Variants in SHISA9 observed in about 807,000 individuals in gnomAD.
SHISA9 encodes shisa family member 9, also known as protein shisa-9.
In SHISA9, 13 loss-of-function variants were observed where a neutral mutation model predicts 38.0. That is an observed-to-expected ratio of 0.34 (90% CI 0.22 to 0.54). The LOEUF (loss-of-function observed/expected upper bound fraction) is 0.54. Among genes scored for constraint, SHISA9 ranks in the 20% least tolerant of loss-of-function variants. The probability of loss-of-function intolerance (pLI) is 0.91; values close to 1 mark genes in which losing one functional copy is unlikely to be tolerated. For missense variants in SHISA9, 538 were observed against 575.8 expected (o/e 0.93, Z 0.67); for synonymous variants, 275 against 242.0 (o/e 1.14, Z -1.27).
At chr16:13,345,361 G>T in the SHISA9 span, among the ~76,000 whole-genome samples, 1 of 152,018 alleles carries the variant, frequency 6.6e-6, no homozygotes, top group African/African-American at 2.4e-5. Flanking sequence ...GTGGTATTTG[G>T]TTTTCTGTTC....
At chr16:13,442,070 C>T in the SHISA9 span, among the ~76,000 whole-genome samples, 1 of 152,206 alleles carries the variant, frequency 6.6e-6, no homozygotes, top group Non-Finnish European at 1.5e-5. Context: ...AAGAAGCAGC[C>T]AGTAGTTAGC....
At chr16:12,907,395 T>TC (rs906914417) in intron 1 of SHISA9, among the ~76,000 whole-genome samples, 6 of 147,804 alleles carry the variant, frequency 4.1e-5, no homozygotes, top group Admixed American at 4.1e-4. Flanking sequence ...CCTTCCCTCT[T>TC]CCCCTCCCTC....
chr16:13,097,135 T>G (rs80274033), intron 2 of SHISA9, among the ~76,000 whole-genome samples: 3,132 of 152,258 alleles, frequency 0.021, 52 homozygotes, highest in Admixed American at 0.047. Context: ...TGAGTAATAC[T>G]AAATGGGTGA....
At chr16:13,222,903 A>G (rs2051242677) in intron 4 of SHISA9, among the ~76,000 whole-genome samples, 1 of 152,168 alleles carries the variant, frequency 6.6e-6, no homozygotes, top group Admixed American at 6.5e-5. Context: ...CGACAGAAAT[A>G]GCAGTTACTA....
intron 2 of SHISA9, among the ~76,000 whole-genome samples, chr16:13,036,560 G>A (rs939257908): frequency 6.6e-6 from 1 of 151,974 alleles, no homozygotes; most frequent in Non-Finnish European, 1.5e-5. Context: ...TAGTTACATT[G>A]GTGTATAAAT....
the SHISA9 span, among the ~76,000 whole-genome samples, chr16:13,446,894 C>T: frequency 6.6e-6 from 1 of 151,560 alleles, no homozygotes; most frequent in Admixed American, 6.6e-5. Flanking sequence ...GAACGAGAAT[C>T]GCTTGAACCT....
chr16:13,176,940 TG>T (rs775981624), intron 2 of SHISA9, among the ~76,000 whole-genome samples: 17 of 152,148 alleles, frequency 1.1e-4, no homozygotes, highest in Non-Finnish European at 2.1e-4. Context: ...ACTCGGAGGC[TG>T]GGGAGGACAC....
the SHISA9 span, among the ~76,000 whole-genome samples, chr16:13,428,923 G>C: frequency 6.6e-6 from 1 of 151,872 alleles, no homozygotes; most frequent in East Asian, 1.9e-4. Context: ...ATGCCACCAG[G>C]CCTGACTAAT....
chr16:13,403,557 A>G, the SHISA9 span, among the ~76,000 whole-genome samples: 1 of 152,206 alleles, frequency 6.6e-6, no homozygotes. Flanking sequence ...TGGGTTTGAC[A>G]CCTTCAAAAC....
At chr16:13,418,791 C>T in the SHISA9 span, among the ~76,000 whole-genome samples, 1 of 152,190 alleles carries the variant, frequency 6.6e-6, no homozygotes, top group Non-Finnish European at 1.5e-5. Flanking sequence ...ACCTTGAGAA[C>T]ACAGAAGATA....
At chr16:13,284,957 A>G in the SHISA9 span, among the ~76,000 whole-genome samples, 1 of 152,040 alleles carries the variant, frequency 6.6e-6, no homozygotes, top group Non-Finnish European at 1.5e-5. Flanking sequence ...GATGTATGTT[A>G]CCTGTCTTAA....
At chr16:13,197,471 A>G (rs983602736) in intron 2 of SHISA9, 9 of 152,192 alleles carry the variant, frequency 5.9e-5, no homozygotes, top group Admixed American at 5.9e-4. Flanking sequence ...TTTAGTAACT[A>G]AGATATCCCA....
chr16:12,905,500 G>A (rs945942109), intron 1 of SHISA9, among the ~76,000 whole-genome samples: 8 of 152,108 alleles, frequency 5.3e-5, no homozygotes, highest in African/African-American at 1.9e-4. Flanking sequence ...GGAAACATTG[G>A]TCTTGGGTTT....
intron 2 of SHISA9, among the ~76,000 whole-genome samples, chr16:13,157,992 A>G (rs2050562274): frequency 6.6e-6 from 1 of 152,144 alleles, no homozygotes; most frequent in Non-Finnish European, 1.5e-5. Flanking sequence ...TTAGTCTGAA[A>G]CAAGTTTTTT....
At chr16:13,439,858 A>G in the SHISA9 span, among the ~76,000 whole-genome samples, 1 of 152,212 alleles carries the variant, frequency 6.6e-6, no homozygotes. Flanking sequence ...GTCAGCTCTC[A>G]AAAGCCCAGC....
chr16:13,133,292 A>T (rs1029893352), intron 2 of SHISA9, among the ~76,000 whole-genome samples: 6 of 152,306 alleles, frequency 3.9e-5, no homozygotes, highest in African/African-American at 1.4e-4. Context: ...CTCATGATGA[A>T]ATGTCCATAA....
intron 1 of SHISA9, chr16:12,908,467 C>G (rs1371038873): frequency 6.4e-7 from 1 of 1,552,082 alleles, no homozygotes; most frequent in South Asian, 1.2e-5. Flanking sequence ...ATACCCTTCC[C>G]CCATGAGGTA....
chr16:13,135,948 G>T (rs1382118315), intron 2 of SHISA9, among the ~76,000 whole-genome samples: 1 of 152,162 alleles, frequency 6.6e-6, no homozygotes, highest in Admixed American at 6.5e-5. Flanking sequence ...AAGCTGACAT[G>T]TCAGTCCCAG....
chr16:13,306,806 A>G, the SHISA9 span, among the ~76,000 whole-genome samples: 1 of 152,158 alleles, frequency 6.6e-6, no homozygotes, highest in Non-Finnish European at 1.5e-5. Flanking sequence ...GCTTTATCCT[A>G]TCCCTTAGAA....
Sources: allele counts gnomAD v4.1 joint callset (sites outside exome capture counted in the v4.1 genomes callset), GRCh38; gene constraint gnomAD v4.1.1; transcripts MANE v1.5; gene names NCBI Gene and HGNC (gene_info 2026-07-23, HGNC 2026-07-21).